The following NXF3 variants were observed in gnomAD, a reference collection of about 807,000 sequenced individuals.
NXF3 encodes TAP-like protein 3.
A neutral mutation model predicts 48.4 loss-of-function variants in NXF3; 34 were observed. The ratio of observed to expected loss-of-function variants is 0.70; its 90% confidence interval spans 0.53 to 0.93. The LOEUF (loss-of-function observed/expected upper bound fraction) is 0.93. Among genes scored for constraint, NXF3 ranks in the 40% least tolerant of loss-of-function variants. NXF3 has a pLI of 0.00. For missense variants in NXF3, 359 were observed against 406.1 expected (o/e 0.88, Z 1.00); for synonymous variants, 132 against 145.7 (o/e 0.91, Z 0.68).
intron 1 of NXF3, among the ~76,000 whole-genome samples, chrX:103,091,717 G>A (rs1386852753): frequency 9.0e-6 from 1 of 110,829 alleles, no homozygotes; most frequent in East Asian, 2.8e-4. Flanking sequence ...CAGGCGCGGT[G>A]GCTCATGCCT....
chrX:103,089,130 C>A, intron 1 of NXF3: 1 of 837,021 alleles, frequency 1.2e-6, no homozygotes, highest in Non-Finnish European at 1.8e-6. Context: ...ACTGGAAAAA[C>A]ACTAACTAAT....
intron 1 of NXF3, among the ~76,000 whole-genome samples, chrX:103,089,878 T>C (rs751557702): frequency 9.0e-6 from 1 of 111,709 alleles, no homozygotes; most frequent in African/African-American, 3.2e-5. Flanking sequence ...TATGTGGTAA[T>C]TTCACTTCTT....
chrX:103,091,984 C>CAAAAAAA (rs59377364), intron 1 of NXF3, among the ~76,000 whole-genome samples: 16 of 47,803 alleles, frequency 3.3e-4, no homozygotes, highest in Non-Finnish European at 5.1e-4. Context: ...GACTCCATCA[C>CAAAAAAA]AAAAAAAAAA....
intron 10 of NXF3, 39 bp from the exon 11 acceptor site, chrX:103,080,255 G>C (rs1461582678): frequency 8.7e-7 from 1 of 1,149,211 alleles, no homozygotes; most frequent in East Asian, 3.0e-5. Context: ...GCAAAGTAGG[G>C]AGGTGGCACA....
intron 9 of NXF3, chrX:103,081,399 G>A (rs1163028579): frequency 8.9e-6 from 1 of 112,252 alleles, no homozygotes; most frequent in Non-Finnish European, 1.9e-5. Context: ...TTCAGAGTCT[G>A]GGGACCCCCT....
chrX:103,083,373 C>G (rs374587887), intron 5 of NXF3, 25 bp downstream of exon 5: 98 of 1,180,560 alleles, frequency 8.3e-5, no homozygotes, highest in Non-Finnish European at 1.1e-4. Flanking sequence ...TCGATGCTAG[C>G]CCTGGTCATT....
intron 1 of NXF3, among the ~76,000 whole-genome samples, chrX:103,085,993 T>C (rs1922144565): frequency 9.1e-6 from 1 of 109,890 alleles, no homozygotes; most frequent in South Asian, 4.0e-4. Context: ...TCCTTATTTC[T>C]GGGACTCAAA....
At chrX:103,091,319 G>T (rs1436901740) in intron 1 of NXF3, among the ~76,000 whole-genome samples, 1 of 112,201 alleles carries the variant, frequency 8.9e-6, no homozygotes, top group African/African-American at 3.2e-5. Context: ...ACAAAACACA[G>T]TTGGTCCTCC....
chrX:103,078,987 T>C (rs1041290441), intron 16 of NXF3, among the ~76,000 whole-genome samples: 1 of 112,557 alleles, frequency 8.9e-6, no homozygotes, highest in Non-Finnish European at 1.9e-5. Flanking sequence ...GGATGAGAGC[T>C]GTCAGACTCC....
rs1281433730 is a variant in NXF3 at position 103,077,709 on chromosome X, T to C, written c.1489A>G (p.Thr497Ala). 84 of 1,209,137 alleles carry C rather than the reference T, an allele frequency of 6.9e-5. No individual in the cohort carries two copies. The highest frequency in any genetic ancestry group is 8.6e-5 in the Non-Finnish European group (77 of 894,859). The change falls in exon 18 of 20, where the codon ACC becomes GCC. Residue 497 changes from threonine to alanine, a missense_variant. Physicochemically the swap from Thr to Ala is moderately conservative, Grantham distance 58. Coordinates refer to ENST00000395065, the MANE Select transcript of NXF3 (RefSeq NM_022052.2). ...GCACTCTGGGTCCCTTGGTGGCTGG[T>C]ATCCCGCACAAAGAGCTTGTCATTC... The part of the protein sequence containing the change: ...IVNDKLFVRD[T>A]SHQGTQSALF...
intron 12 of NXF3, 28 bp from the exon 13 acceptor site, chrX:103,079,898 T>C (rs780635414): frequency 8.4e-6 from 10 of 1,185,679 alleles, no homozygotes; most frequent in Non-Finnish European, 1.0e-5. Flanking sequence ...GGACAGGCTA[T>C]CTCTGTGGCC....
chrX:103,087,990 G>T, intron 1 of NXF3: 1 of 972,415 alleles, frequency 1.0e-6, no homozygotes, highest in East Asian at 3.1e-5. Context: ...ATGCAAATCA[G>T]GGTGGTTTTG....
intron 8 of NXF3, 117 bp from the exon 9 acceptor site, chrX:103,082,481 T>C (rs1364467814): frequency 2.0e-6 from 1 of 507,745 alleles, no homozygotes; most frequent in Non-Finnish European, 3.4e-6. Flanking sequence ...ACTACCCTAA[T>C]GAACCCTCCT....
chrX:103,088,577 T>G, intron 1 of NXF3: 1 of 1,076,779 alleles, frequency 9.3e-7, no homozygotes, highest in Non-Finnish European at 1.3e-6. Context: ...GGTACTTCAG[T>G]GTGGTTTTTC....
At chrX:103,089,834 C>A (rs766399235) in intron 1 of NXF3, among the ~76,000 whole-genome samples, 1 of 111,106 alleles carries the variant, frequency 9.0e-6, no homozygotes. Context: ...AGTATTTTTT[C>A]ATTGGTCTTT....
chrX:103,076,637 G>A (rs898676874), intron 18 of NXF3, among the ~76,000 whole-genome samples: 14 of 110,689 alleles, frequency 1.3e-4, no homozygotes, highest in African/African-American at 4.3e-4. Context: ...TATTTTGTCC[G>A]CAAGGAAATT....
intron 16 of NXF3, among the ~76,000 whole-genome samples, 155 bp downstream of exon 16, chrX:103,079,066 G>C (rs1261506356): frequency 9.0e-6 from 1 of 111,655 alleles, no homozygotes; most frequent in African/African-American, 3.3e-5. Context: ...GTCAGATCAG[G>C]GTGGTTTGTG....
chrX:103,082,168 C>G (rs748226550), intron 9 of NXF3, 87 bp downstream of exon 9: 1 of 610,198 alleles, frequency 1.6e-6, no homozygotes, highest in Admixed American at 2.2e-5. Context: ...TGTGGTCCTC[C>G]CAGAAGACTA....
At chrX:103,081,037 T>C (rs1921994465) in intron 9 of NXF3, 2 of 156,482 alleles carry the variant, frequency 1.3e-5, no homozygotes, top group African/African-American at 6.2e-5. Context: ...GGGGTGAAGG[T>C]AGGGGAGGGA....
Sources: gnomAD v4.1 joint callset for allele counts (sites outside exome capture counted in the v4.1 genomes callset) on GRCh38, gnomAD v4.1.1 for gene constraint, MANE v1.5 for transcripts, NCBI Gene and HGNC (gene_info 2026-07-23, HGNC 2026-07-21) for gene names.